The following NRXN3 variants were observed in gnomAD, a reference collection of about 807,000 sequenced individuals.
NRXN3 encodes the protein neurexin III.
NRXN3 carries 32 observed loss-of-function variants against 137.6 expected under a neutral mutation model. The ratio of observed to expected loss-of-function variants is 0.23; its 90% CI spans 0.18 to 0.31. The LOEUF is 0.31. Ranked by LOEUF, NRXN3 falls within the 10% of genes least tolerant of loss-of-function variation. The pLI, the probability that NRXN3 is intolerant of heterozygous loss-of-function variation, is 1.00. For synonymous variants in NRXN3, 798 were observed against 784.5 expected (o/e 1.02, Z -0.29); for missense variants, 1,574 against 2,062.5 (o/e 0.76, Z 4.59).
chr14:79,085,916 C>A (rs538042521), intron 15 of NRXN3, among the ~76,000 whole-genome samples: 1 of 152,246 alleles, frequency 6.6e-6, no homozygotes, highest in South Asian at 2.1e-4. Context: ...ATTCTGATGA[C>A]CTTGCCTCTG....
intron 19 of NRXN3, among the ~76,000 whole-genome samples, chr14:79,745,096 A>G (rs969256938): frequency 6.6e-6 from 1 of 152,188 alleles, no homozygotes; most frequent in African/African-American, 2.4e-5. Flanking sequence ...CGAAAAGAAA[A>G]ACAGTGATGC....
chr14:79,024,896 A>G (rs1568026209), intron 15 of NRXN3, among the ~76,000 whole-genome samples: 1 of 152,258 alleles, frequency 6.6e-6, no homozygotes, highest in Middle Eastern at 3.4e-3. Flanking sequence ...TAAATATGTC[A>G]TCTCTAACAC....
chr14:79,391,047 C>T (rs1035263185), intron 15 of NRXN3, among the ~76,000 whole-genome samples: 1 of 152,028 alleles, frequency 6.6e-6, no homozygotes, highest in African/African-American at 2.4e-5. Context: ...TTCCCAGGCT[C>T]CAGAATTTCG....
In NRXN3 at chr14:78,184,152, A is replaced by T. The variant is rs113452839; in HGVS notation, c.-704+13478A>T. Among the ~76,000 whole-genome samples, 704 of 152,358 alleles carry T rather than the reference A, an allele frequency of 4.6e-3. 5 individuals are homozygous for T. Among genetic ancestry groups the T allele is most frequent in the Non-Finnish European group, 8.1e-3 (553 of 68,032 alleles). On this transcript the variant is annotated intron_variant, in intron 1 of 20. Coordinates refer to ENST00000335750, the MANE Select transcript of NRXN3 (RefSeq NM_001330195.2). ...AGAGATAACCAATGGGAGAATTTTGATATCTATCATTCCAGCTTAATTTCT... is the reference window on the plus strand; with the variant it reads ...AGAGATAACCAATGGGAGAATTTTGTTATCTATCATTCCAGCTTAATTTCT...
At chr14:78,589,777 G>A (rs1209440319) in intron 4 of NRXN3, among the ~76,000 whole-genome samples, 1 of 152,172 alleles carries the variant, frequency 6.6e-6, no homozygotes, top group African/African-American at 2.4e-5. Flanking sequence ...CTCAGGGGCT[G>A]GGCTGGATTC....
At chr14:79,328,795 A>G (rs2153305661) in intron 15 of NRXN3, among the ~76,000 whole-genome samples, 1 of 152,314 alleles carries the variant, frequency 6.6e-6, no homozygotes, top group Non-Finnish European at 1.5e-5. Context: ...TTTTGTTCTT[A>G]CCAGAAAACT....
Position 79,164,385 on chromosome 14 carries a change from C to G in NRXN3, c.3262+176244C>G, listed in dbSNP as rs146746275. 1.4e-3 allele frequency among the ~76,000 whole-genome samples: 211 copies of G among 152,086 alleles called. 1 individual carries two copies. The highest frequency in any genetic ancestry group is 4.9e-3 in the African/African-American group (205 of 41,534). On this transcript the variant is annotated intron_variant, in intron 15 of 20. Coordinates refer to ENST00000335750, the MANE Select transcript of NRXN3 (RefSeq NM_001330195.2). ...GACATTTATGCTTACATATATCCTT[C>G]CTTGTTTTCTGCATTTTCATTTGAA...
intron 15 of NRXN3, among the ~76,000 whole-genome samples, chr14:79,096,513 G>A (rs1017852541): frequency 1.3e-5 from 2 of 151,948 alleles, no homozygotes; most frequent in African/African-American, 4.8e-5. Context: ...TAATAACTAT[G>A]AGACTGCAGG....
chr14:79,864,559 T>C lies in NRXN3; in HGVS notation c.*2595T>C, dbSNP rs1205384071. ...AGAAGATATTCTAAGCAGTTACTAA[T>C]TATTACATTATCAAAATGCCATATT... On this transcript the variant is annotated 3_prime_UTR_variant, in exon 21 of 21. Coordinates refer to ENST00000335750, the MANE Select transcript of NRXN3 (RefSeq NM_001330195.2). 6.6e-6 allele frequency: 1 copy of C among 152,434 alleles called. No homozygotes were observed. Among genetic ancestry groups the C allele is most frequent in the Non-Finnish European group, 1.5e-5 (1 of 68,032 alleles). The allele number at this position is 152,434 out of a possible 1,614,324, so 9.4% of individuals were successfully genotyped here. A position where few individuals can be genotyped will look rare whatever the true frequency, so the allele number is the denominator to read the frequency against.
At chr14:78,629,463 T>A (rs1210323411) in intron 4 of NRXN3, among the ~76,000 whole-genome samples, 1 of 152,198 alleles carries the variant, frequency 6.6e-6, no homozygotes, top group Non-Finnish European at 1.5e-5. Flanking sequence ...GAAGGAGGAA[T>A]GAGCAGCACT....
intron 8 of NRXN3, among the ~76,000 whole-genome samples, chr14:78,727,660 A>G (rs2098492168): frequency 6.6e-6 from 1 of 152,126 alleles, no homozygotes; most frequent in Admixed American, 6.5e-5. Flanking sequence ...ACCTAAACCC[A>G]GGAGGCAGAG....
chr14:78,798,420 C>T (rs1003420390), intron 8 of NRXN3, among the ~76,000 whole-genome samples: 1 of 152,204 alleles, frequency 6.6e-6, no homozygotes, highest in Non-Finnish European at 1.5e-5. Context: ...GGTGGGTTCC[C>T]ATGGCTTTGG....
At chr14:79,319,592 A>G (rs890700642) in intron 15 of NRXN3, among the ~76,000 whole-genome samples, 3 of 152,232 alleles carry the variant, frequency 2.0e-5, no homozygotes, top group African/African-American at 7.2e-5. Context: ...CTGTGTTCCA[A>G]TTAGGAAGAC....
chr14:78,255,903 A>T (rs2069499120), intron 2 of NRXN3, among the ~76,000 whole-genome samples: 1 of 152,212 alleles, frequency 6.6e-6, no homozygotes, highest in Non-Finnish European at 1.5e-5. Context: ...ATATCTGTTG[A>T]ATAAATTAAT....
intron 15 of NRXN3, among the ~76,000 whole-genome samples, chr14:79,419,921 G>A (rs1400947917): frequency 6.6e-6 from 1 of 152,096 alleles, no homozygotes; most frequent in Admixed American, 6.6e-5. Context: ...TCGGTGATCT[G>A]CCAATATAAG....
At chr14:79,457,047 T>TA (rs879869277) in intron 15 of NRXN3, among the ~76,000 whole-genome samples, 2,107 of 132,448 alleles carry the variant, frequency 0.016, 20 homozygotes, top group Admixed American at 0.02. Flanking sequence ...GTTCCAGGTT[T>TA]AAAAAAAAAA....
At chr14:79,114,843 A>G (rs148049630) in intron 15 of NRXN3, among the ~76,000 whole-genome samples, 3 of 152,066 alleles carry the variant, frequency 2.0e-5, no homozygotes, top group Non-Finnish European at 4.4e-5. Context: ...TGGCCTTTTT[A>G]TCTTCTCTTC....
intron 1 of NRXN3, among the ~76,000 whole-genome samples, chr14:78,236,167 T>C (rs1298165339): frequency 6.6e-6 from 1 of 152,248 alleles, no homozygotes; most frequent in Non-Finnish European, 1.5e-5. Context: ...ATTGTAAGTA[T>C]ACAGCTCCCT....
chr14:78,384,537 T>C (rs1050198872), intron 4 of NRXN3, among the ~76,000 whole-genome samples: 2 of 152,196 alleles, frequency 1.3e-5, no homozygotes, highest in African/African-American at 4.8e-5. Context: ...TTTAAACAAT[T>C]GCTTACTTTC....
Sources: allele counts gnomAD v4.1 joint callset (sites outside exome capture counted in the v4.1 genomes callset), GRCh38; gene constraint gnomAD v4.1.1; transcripts MANE v1.5; gene names NCBI Gene and HGNC (gene_info 2026-07-23, HGNC 2026-07-21).